Variants in KATNAL2 observed in about 807,000 individuals in gnomAD.
KATNAL2 encodes katanin catalytic subunit A1 like 2.
A neutral mutation model predicts 76.3 loss-of-function variants in KATNAL2; 52 were observed. That is an observed-to-expected ratio of 0.68 (90% CI 0.55 to 0.86). The LOEUF is 0.86. KATNAL2 is among the 40% of genes least tolerant of loss of function. The probability of loss-of-function intolerance (pLI) is 0.00; values close to 1 mark genes in which losing one functional copy is unlikely to be tolerated. For missense variants in KATNAL2, 660 were observed against 668.9 expected, an observed-to-expected ratio of 0.99 and a Z score of 0.15; for synonymous variants, 243 against 244.2, an observed-to-expected ratio of 1.00 and a Z score of 0.05.
intron 13 of KATNAL2, among the ~76,000 whole-genome samples, chr18:47,069,974 A>T (rs1308470991): frequency 6.6e-6 from 1 of 152,078 alleles, no homozygotes; most frequent in African/African-American, 2.4e-5. Context: ...CTACTACTGT[A>T]TGTTAGTCCC....
chr18:46,921,012 G>A (rs2058507570), intron 1 of KATNAL2, among the ~76,000 whole-genome samples: 1 of 152,152 alleles, frequency 6.6e-6, no homozygotes, highest in African/African-American at 2.4e-5. Context: ...TTTATGGATT[G>A]AATCTCCAGG....
chr18:47,099,148 T>C, intron 15 of KATNAL2, 95 bp from the exon 16 acceptor site: 1 of 1,241,206 alleles, frequency 8.1e-7, no homozygotes, highest in Non-Finnish European at 1.1e-6. Context: ...AATGCAGAAT[T>C]GCTTCCTGCA....
intron 3 of KATNAL2, chr18:47,034,448 C>G: frequency 1.2e-6 from 2 of 1,614,186 alleles, no homozygotes; most frequent in Non-Finnish European, 1.7e-6. Flanking sequence ...GGCTGCCTGT[C>G]CCTGGCACTT....
intron 17 of KATNAL2, 131 bp from the exon 18 acceptor site, chr18:47,100,735 G>C (rs72905425): frequency 0.016 from 18,471 of 1,149,048 alleles, 186 homozygotes; most frequent in Non-Finnish European, 0.02. Flanking sequence ...CTTTAGTCTT[G>C]CCTTTTGCTG....
At chr18:46,936,510 T>TG (rs1232425966) in intron 1 of KATNAL2, among the ~76,000 whole-genome samples, 1 of 151,956 alleles carries the variant, frequency 6.6e-6, no homozygotes, top group Non-Finnish European at 1.5e-5. Flanking sequence ...GAGGCTCAGG[T>TG]GGGGGGATCG....
At chr18:46,930,537 C>T (rs1156776603) in intron 1 of KATNAL2, among the ~76,000 whole-genome samples, 1 of 152,088 alleles carries the variant, frequency 6.6e-6, no homozygotes. Flanking sequence ...AAAAGCAGGC[C>T]GGGTGCGACG....
intron 1 of KATNAL2, among the ~76,000 whole-genome samples, chr18:46,927,861 T>C (rs1320298380): frequency 2.6e-5 from 4 of 152,230 alleles, no homozygotes; most frequent in Non-Finnish European, 4.4e-5. Context: ...ATACCCTTTC[T>C]TCCAGTTGAT....
chr18:47,095,866 G>T (rs1018677730), intron 15 of KATNAL2, among the ~76,000 whole-genome samples: 2 of 152,166 alleles, frequency 1.3e-5, no homozygotes, highest in Admixed American at 1.3e-4. Flanking sequence ...TCCTCAATTG[G>T]AGTGCTAGGC....
chr18:47,054,262 T>G (rs1036164794), intron 5 of KATNAL2, 134 bp from the exon 6 acceptor site: 4 of 751,568 alleles, frequency 5.3e-6, no homozygotes, highest in Non-Finnish European at 6.9e-6. Flanking sequence ...GAGAATAGCT[T>G]AAAGTCTCTA....
At chr18:46,958,016 G>A (rs1599465836) in intron 3 of KATNAL2, among the ~76,000 whole-genome samples, 1 of 152,136 alleles carries the variant, frequency 6.6e-6, no homozygotes, top group Admixed American at 6.6e-5. Flanking sequence ...CTTTAATGTG[G>A]ATTGGCCTCA....
At chr18:46,928,074 T>G (rs564108917) in intron 1 of KATNAL2, among the ~76,000 whole-genome samples, 3 of 152,360 alleles carry the variant, frequency 2.0e-5, no homozygotes, top group Admixed American at 2.0e-4. Flanking sequence ...TGAAGCCTTC[T>G]TCTCTCAACT....
At chr18:47,085,609 A>G (rs2062735989) in intron 15 of KATNAL2, among the ~76,000 whole-genome samples, 1 of 152,098 alleles carries the variant, frequency 6.6e-6, no homozygotes, top group Admixed American at 6.6e-5. Flanking sequence ...CCCACCAACT[A>G]GTCCCATGGC....
chr18:46,947,345 A>C (rs1159347257), intron 3 of KATNAL2, among the ~76,000 whole-genome samples: 1 of 152,222 alleles, frequency 6.6e-6, no homozygotes, highest in Non-Finnish European at 1.5e-5. Flanking sequence ...GCCATCACTA[A>C]GGCGAGAGAT....
intron 3 of KATNAL2, among the ~76,000 whole-genome samples, chr18:47,031,625 G>C (rs1184358308): frequency 6.6e-6 from 1 of 152,114 alleles, no homozygotes; most frequent in Admixed American, 6.6e-5. Flanking sequence ...TGTAATACTG[G>C]CAATTCTTCA....
At chr18:46,939,615 A>G (rs1053280726) in intron 1 of KATNAL2, among the ~76,000 whole-genome samples, 1 of 152,180 alleles carries the variant, frequency 6.6e-6, no homozygotes, top group Non-Finnish European at 1.5e-5. Context: ...GAGATCTTGC[A>G]TGCTAGCCAC....
At chr18:47,047,298 C>G (rs2061191410) in intron 4 of KATNAL2, among the ~76,000 whole-genome samples, 1 of 152,186 alleles carries the variant, frequency 6.6e-6, no homozygotes, top group South Asian at 2.1e-4. Context: ...ACAGACCTAT[C>G]CAGTACATAA....
intron 15 of KATNAL2, among the ~76,000 whole-genome samples, chr18:47,093,686 T>C (rs1399050139): frequency 6.6e-6 from 1 of 152,164 alleles, no homozygotes; most frequent in Admixed American, 6.5e-5. Flanking sequence ...CCTGGCTAAT[T>C]TTTTTGTAGA....
chr18:47,042,563 T>C (rs1473844522), intron 3 of KATNAL2, among the ~76,000 whole-genome samples: 1 of 152,002 alleles, frequency 6.6e-6, no homozygotes, highest in Non-Finnish European at 1.5e-5. Flanking sequence ...AAGAATAAGA[T>C]GCTATGAAAA....
At chr18:47,098,350 G>A (rs1003464722) in intron 15 of KATNAL2, 4 of 243,916 alleles carry the variant, frequency 1.6e-5, no homozygotes, top group Non-Finnish European at 3.3e-5. Flanking sequence ...CATGGCGGGG[G>A]GCAAAAGACA....
Sources: gnomAD v4.1 joint callset for allele counts (sites outside exome capture counted in the v4.1 genomes callset) on GRCh38, gnomAD v4.1.1 for gene constraint, MANE v1.5 for transcripts, NCBI Gene and HGNC (gene_info 2026-07-23, HGNC 2026-07-21) for gene names.